Variants in MTBP observed in about 807,000 individuals in gnomAD.
The protein encoded by MTBP is mdm2-binding protein.
In MTBP, 101 loss-of-function variants were observed where a neutral mutation model predicts 117.0. That is an observed-to-expected ratio of 0.86 (90% CI 0.73 to 1.02). MTBP has a LOEUF of 1.02. Ranked by LOEUF, MTBP falls within the 50% of genes least tolerant of loss-of-function variation. MTBP has a pLI of 0.00. For missense variants in MTBP, 970 were observed against 1,030.9 expected, an observed-to-expected ratio of 0.94 and a Z score of 0.81; for synonymous variants, 350 against 351.5, an observed-to-expected ratio of 1.00 and a Z score of 0.05.
chr8:120,478,653 A>G (rs1225600257), intron 11 of MTBP, among the ~76,000 whole-genome samples: 3 of 152,210 alleles, frequency 2.0e-5, no homozygotes, highest in Non-Finnish European at 4.4e-5. Flanking sequence ...TAATAAAAAT[A>G]TTTTTAGAGG....
chr8:120,496,757 G>C (rs893557673), intron 13 of MTBP, among the ~76,000 whole-genome samples: 1 of 151,570 alleles, frequency 6.6e-6, no homozygotes, highest in African/African-American at 2.4e-5. Context: ...TATCTAATAG[G>C]AATAGCTTGC....
intron 19 of MTBP, 94 bp from the exon 20 acceptor site, chr8:120,518,606 AAATG>A: frequency 1.4e-6 from 1 of 728,602 alleles, no homozygotes; most frequent in Non-Finnish European, 2.2e-6. Flanking sequence ...TAGCACAGCA[AAATG>A]AATGTGTAAT....
intron 10 of MTBP, among the ~76,000 whole-genome samples, chr8:120,469,060 T>G (rs1457947724): frequency 6.6e-6 from 1 of 152,120 alleles, no homozygotes; most frequent in African/African-American, 2.4e-5. Context: ...TTTGTTTTGT[T>G]TTTGAGATAG....
chr8:120,488,028 G>C, intron 11 of MTBP, 131 bp from the exon 12 acceptor site: 1 of 586,732 alleles, frequency 1.7e-6, no homozygotes, highest in Non-Finnish European at 2.7e-6. Context: ...ACAACTACTA[G>C]CCCTGAATGT....
intron 18 of MTBP, among the ~76,000 whole-genome samples, chr8:120,516,806 C>T (rs1814928779): frequency 6.6e-6 from 1 of 151,910 alleles, no homozygotes; most frequent in Admixed American, 6.6e-5. Context: ...GCATCTAAAG[C>T]AAGGCTTGAA....
At chr8:120,495,579 T>C (rs1814436241) in intron 13 of MTBP, among the ~76,000 whole-genome samples, 1 of 152,084 alleles carries the variant, frequency 6.6e-6, no homozygotes, top group Non-Finnish European at 1.5e-5. Context: ...GCTCTGGAGC[T>C]CTTACTAGAT....
At chr8:120,459,086 T>C in intron 7 of MTBP, 129 bp from the exon 8 acceptor site, 2 of 745,430 alleles carry the variant, frequency 2.7e-6, no homozygotes, top group Non-Finnish European at 4.1e-6. Flanking sequence ...AAGCACACTT[T>C]TGAGCTGAGG....
intron 17 of MTBP, among the ~76,000 whole-genome samples, chr8:120,513,227 A>G (rs1321957497): frequency 6.6e-6 from 1 of 152,040 alleles, no homozygotes; most frequent in Non-Finnish European, 1.5e-5. Flanking sequence ...CATCTATTCC[A>G]AGAGATTTGG....
intron 8 of MTBP, among the ~76,000 whole-genome samples, chr8:120,460,913 T>C (rs1813569264): frequency 6.6e-6 from 1 of 152,158 alleles, no homozygotes; most frequent in Admixed American, 6.5e-5. Context: ...CCTCTTCCCA[T>C]ACTTATTTTC....
intron 9 of MTBP, among the ~76,000 whole-genome samples, chr8:120,463,253 A>G (rs1379136791): frequency 2.0e-5 from 3 of 152,204 alleles, no homozygotes; most frequent in Non-Finnish European, 4.4e-5. Context: ...TTAAGTAAAT[A>G]TAAATGGTAT....
At chr8:120,486,610 C>G (rs986933968) in intron 11 of MTBP, among the ~76,000 whole-genome samples, 2 of 152,188 alleles carry the variant, frequency 1.3e-5, no homozygotes, top group African/African-American at 4.8e-5. Context: ...TGAGAAATTG[C>G]TGACAGCCTG....
chr8:120,515,882 T>C (rs1814907227), intron 17 of MTBP, 43 bp from the exon 18 acceptor site: 1 of 1,564,762 alleles, frequency 6.4e-7, no homozygotes, highest in East Asian at 2.3e-5. Flanking sequence ...AGTCTGTTGC[T>C]CTCATGGAGG....
At chr8:120,445,708 C>G in intron 1 of MTBP, 120 bp downstream of exon 1, 1 of 773,424 alleles carries the variant, frequency 1.3e-6, no homozygotes, top group East Asian at 2.7e-5. Context: ...AGCTGGGACT[C>G]TATCTGGGAT....
intron 21 of MTBP, 121 bp downstream of exon 21, chr8:120,522,840 A>G (rs1815028741): frequency 8.7e-6 from 6 of 691,660 alleles, no homozygotes; most frequent in Non-Finnish European, 1.4e-5. Context: ...CTCTGTCCCT[A>G]TGAAAACTCT....
rs1018297871 is a variant in MTBP, at chr8:120,516,089, G to C, written c.2144G>C (p.Gly715Ala). Residue 715 changes from glycine to alanine, a missense_variant, in exon 18 of 22, where the codon GGA becomes GCA. Transcript: ENST00000305949. ...TCTCCTGTAGTTTCGTCAGATCCTG[G>C]AAGTGTCCCTGACGGAGAAGTTTTA... ...LPSPVVSSDP[G>A]SVPDGEVLQN... The C allele has an allele frequency of 2.5e-6, 4 of 1,612,922 alleles. No homozygotes were observed. In the African/African-American group the frequency reaches 4.0e-5, roughly 16 times the overall value.
rs1814028892 is a variant in MTBP, at chr8:120,479,630, A to G, written c.1166-8529A>G. Reference sequence around the variant, plus strand: ...TCTCAGTAAATTTAAAAGGATAGAAATAATACACACGATATCCTCCAATTT... The same window carrying G: ...TCTCAGTAAATTTAAAAGGATAGAAGTAATACACACGATATCCTCCAATTT... On this transcript the variant is annotated intron_variant, in intron 11 of 21. Coordinates refer to ENST00000305949, the MANE Select transcript of MTBP (RefSeq NM_022045.5). Among the ~76,000 whole-genome samples, 3 of 152,196 alleles carry G rather than the reference A, an allele frequency of 2.0e-5. No homozygotes were observed. In the South Asian group the frequency reaches 6.2e-4, roughly 31 times the overall value.
intron 17 of MTBP, among the ~76,000 whole-genome samples, chr8:120,512,808 G>GT (rs1014953836): frequency 1.3e-5 from 2 of 151,944 alleles, no homozygotes; most frequent in East Asian, 1.9e-4. Flanking sequence ...TCAGAAACAT[G>GT]TTTTTTTCAA....
In MTBP at chr8:120,459,256, A is replaced by T. The variant is rs1423268663; in HGVS notation, c.789A>T (p.Gly263=). 1 of 1,610,452 alleles carries T rather than the reference A, an allele frequency of 6.2e-7. No homozygotes were observed. The highest frequency in any genetic ancestry group is 8.5e-7 in the Non-Finnish European group (1 of 1,177,976). Residue 263 remains glycine (G), a synonymous_variant, in exon 8 of 22, where the codon GGA becomes GGT. Coordinates refer to ENST00000305949, the MANE Select transcript of MTBP (RefSeq NM_022045.5). ...EISFPEFCLK[G]VTLKNFSTSN... The stretch of plus-strand genomic sequence containing the variant: ...GTTTTCCTGAATTTTGTTTAAAGGG[A>T]GTCACACTTAAGAATTTTAGTACTT...
Position 120,523,374 on chromosome 8 carries a change from TG to T in MTBP, c.*40del. The T allele has an allele frequency of 7.5e-7, 1 of 1,333,880 alleles. No homozygotes were observed. The highest frequency in any genetic ancestry group is 1.0e-6 in the Non-Finnish European group (1 of 965,468). 82.6% of individuals were successfully genotyped at this position (1,333,880 alleles called of 1,614,324 possible). On this transcript the variant is annotated 3_prime_UTR_variant, in exon 22 of 22. Transcript: ENST00000305949. ...CTCTTTAAGACAATTATAAATTGGA[TG>T]GAGCTATTATTCACTACTTCTTTTC...
Sources: allele counts gnomAD v4.1 joint callset (sites outside exome capture counted in the v4.1 genomes callset), GRCh38; gene constraint gnomAD v4.1.1; transcripts MANE v1.5; gene names NCBI Gene and HGNC (gene_info 2026-07-23, HGNC 2026-07-21).